LRP1B: variants seen among roughly 807,000 people sequenced by gnomAD.
The protein encoded by LRP1B is LDL receptor related protein 1B, also known as low-density lipoprotein receptor-related protein 1B.
Under a neutral mutation model 556.6 loss-of-function variants are expected in LRP1B, and 217 were observed. The ratio of observed to expected loss-of-function variants is 0.39; its 90% CI spans 0.35 to 0.44. The LOEUF (loss-of-function observed/expected upper bound fraction) is 0.44. LRP1B is among the 20% of genes least tolerant of loss of function. The pLI is 1.00. For synonymous variants in LRP1B, 2,047 were observed against 1,865.8 expected (o/e 1.10, Z -2.50); for missense variants, 5,053 against 5,620.8 (o/e 0.90, Z 3.23).
At chr2:140,718,619 GA>G (rs879698341) in intron 35 of LRP1B, among the ~76,000 whole-genome samples, 10 of 149,814 alleles carry the variant, frequency 6.7e-5, no homozygotes, top group South Asian at 2.1e-4. Context: ...ATTCCCAAAG[GA>G]AAAAAAAATG....
rs190705822 is a variant in LRP1B at position 141,148,821 on chromosome 2, C to T, written c.1013+39600G>A. 1.1e-3 allele frequency among the ~76,000 whole-genome samples: 160 copies of T among 152,234 alleles called. 2 individuals are homozygous for T. The Middle Eastern group carries it at 0.014, about 13-fold the overall frequency. On this transcript the variant is annotated intron_variant, in intron 7 of 90. Transcript: ENST00000389484. ...CAAGGAGGCCGGGCATGGTGGTTCACGCCTGTAATCCCAACACTGTGGGAG... is the reference window on the plus strand; with the variant it reads ...CAAGGAGGCCGGGCATGGTGGTTCATGCCTGTAATCCCAACACTGTGGGAG...
At position 140,364,670 on chromosome 2, in the gene LRP1B, C is replaced by T. The variant is rs200747526; in HGVS notation, c.11122G>A (p.Asp3708Asn). Residue 3708 changes from aspartate (D) to asparagine (N), a missense_variant, in exon 72 of 91, where the codon GAT (aspartate) becomes AAT (asparagine). Physicochemically the swap from Asp to Asn is conservative, Grantham distance 23. Around this residue, in one of 5 missense-constraint regions of LRP1B, gnomAD observed 599 missense variants for 648.4 expected, o/e 0.92. Transcript: ENST00000389484. ...DCGDNSDEAP[D>N]MCVKFLCPST... is the part of the protein sequence containing the mutation. The stretch of plus-strand genomic sequence containing the variant: ...ACGTGAAATGCCATACCACACATAT[C>T]AGGGGCTTCATCAGAGTTGTCTCCA... 6.2e-7 allele frequency: 1 copy of T among 1,609,614 alleles called. No individual in the cohort carries two copies. The highest frequency in any genetic ancestry group is 8.5e-7 in the Non-Finnish European group (1 of 1,177,246).
At chr2:140,598,884 T>G (rs1271820481) in intron 42 of LRP1B, 49 bp from the exon 43 acceptor site, 1 of 1,219,532 alleles carries the variant, frequency 8.2e-7, no homozygotes, top group Admixed American at 1.8e-5. Flanking sequence ...TCATCAAGAG[T>G]AAAAATACTA....
At chr2:141,784,094 ATGTGTGGTTT>A (rs973515353) in intron 2 of LRP1B, among the ~76,000 whole-genome samples, 1 of 151,968 alleles carries the variant, frequency 6.6e-6, no homozygotes, top group African/African-American at 2.4e-5. Flanking sequence ...AAAAGTGATT[ATGTGTGGTTT>A]TACATGTAAG....
chr2:140,657,312 T>C (rs1684913177), intron 41 of LRP1B, among the ~76,000 whole-genome samples: 1 of 151,808 alleles, frequency 6.6e-6, no homozygotes, highest in African/African-American at 2.4e-5. Flanking sequence ...AGACTGAAAA[T>C]CATTATAACT....
intron 3 of LRP1B, among the ~76,000 whole-genome samples, chr2:141,426,481 A>G (rs746049769): frequency 8.5e-5 from 13 of 152,180 alleles, no homozygotes; most frequent in Non-Finnish European, 1.6e-4. Flanking sequence ...TCAAGTCCTG[A>G]TTTGGGCCCA....
intron 1 of LRP1B, among the ~76,000 whole-genome samples, chr2:141,968,555 C>T (rs900663132): frequency 6.6e-6 from 1 of 151,482 alleles, no homozygotes; most frequent in Non-Finnish European, 1.5e-5. Context: ...CTGTACATGA[C>T]TCATTTATCC....
intron 3 of LRP1B, among the ~76,000 whole-genome samples, chr2:141,381,105 C>T (rs1315859794): frequency 2.0e-5 from 3 of 151,918 alleles, no homozygotes; most frequent in Non-Finnish European, 4.4e-5. Flanking sequence ...AATGAAGATA[C>T]ATGATTTGTC....
chr2:141,964,131 G>A (rs1256240128), intron 1 of LRP1B, among the ~76,000 whole-genome samples: 2 of 149,764 alleles, frequency 1.3e-5, no homozygotes, highest in Admixed American at 1.3e-4. Context: ...CATGCTCATG[G>A]GTAGGAAGAA....
intron 1 of LRP1B, among the ~76,000 whole-genome samples, chr2:141,969,692 T>C (rs1262255330): frequency 6.6e-6 from 1 of 151,668 alleles, no homozygotes; most frequent in Non-Finnish European, 1.5e-5. Flanking sequence ...CTATTGGGAA[T>C]AGTGCTACAA....
chr2:140,309,907 TG>T (rs1469367384), intron 83 of LRP1B, among the ~76,000 whole-genome samples: 3 of 139,450 alleles, frequency 2.2e-5, no homozygotes, highest in African/African-American at 8.2e-5. Context: ...CACAATCAAA[TG>T]TTCTCACTTC....
chr2:141,184,507 G>A (rs1167313029), intron 7 of LRP1B, among the ~76,000 whole-genome samples: 2 of 151,644 alleles, frequency 1.3e-5, no homozygotes, highest in African/African-American at 4.8e-5. Flanking sequence ...TGAACGCACA[G>A]GCCTCACTAA....
intron 83 of LRP1B, among the ~76,000 whole-genome samples, chr2:140,300,904 T>C (rs956093740): frequency 3.9e-5 from 6 of 152,106 alleles, no homozygotes; most frequent in Admixed American, 2.0e-4. Context: ...GTTATTGTTA[T>C]TATTTCTATT....
rs1687040842 is a variant in LRP1B, at chr2:141,583,980, C to T, written c.206-103447G>A. On this transcript the variant is annotated intron_variant, in intron 2 of 90. Transcript: ENST00000389484. ...GTCTTGATCTCCTGATCTCATTGAACAGGCTGAGTCGCAGCAGAAAATTTT... is the reference window on the plus strand; with the variant it reads ...GTCTTGATCTCCTGATCTCATTGAATAGGCTGAGTCGCAGCAGAAAATTTT... Among the ~76,000 whole-genome samples the T allele has an allele frequency of 2.0e-5, 3 of 151,678 alleles. No homozygotes were observed. The South Asian group carries it at 6.2e-4, about 32-fold the overall frequency.
At chr2:140,274,659 A>T (rs2104953104) in intron 84 of LRP1B, 61 bp from the exon 85 acceptor site, 1 of 1,385,162 alleles carries the variant, frequency 7.2e-7, no homozygotes, top group Non-Finnish European at 9.9e-7. Flanking sequence ...TTCTTCAGTC[A>T]TAATTAAGGT....
chr2:140,829,004 A>G (rs2105071314), intron 31 of LRP1B, among the ~76,000 whole-genome samples: 1 of 152,244 alleles, frequency 6.6e-6, no homozygotes, highest in East Asian at 1.9e-4. Flanking sequence ...GATAAAACAG[A>G]CTTTAAATCA....
At chr2:141,325,741 T>C (rs1687407583) in intron 3 of LRP1B, among the ~76,000 whole-genome samples, 1 of 152,026 alleles carries the variant, frequency 6.6e-6, no homozygotes, top group Non-Finnish European at 1.5e-5. Flanking sequence ...GGAAGCGGAA[T>C]TGAGTTGGCC....
chr2:141,364,270 A>AACAC (rs35479321), intron 3 of LRP1B, among the ~76,000 whole-genome samples: 9,593 of 148,662 alleles, frequency 0.065, 919 homozygotes, highest in African/African-American at 0.21. Flanking sequence ...TGGAGGAAAT[A>AACAC]ACACACACAC....
intron 5 of LRP1B, among the ~76,000 whole-genome samples, chr2:141,231,108 G>GA (rs1273841821): frequency 6.6e-6 from 1 of 152,170 alleles, no homozygotes; most frequent in African/African-American, 2.4e-5. Context: ...TAGCTATTCA[G>GA]AAAATTTCAT....
Sources: allele counts gnomAD v4.1 joint callset (sites outside exome capture counted in the v4.1 genomes callset), GRCh38; gene constraint gnomAD v4.1.1; regional missense constraint gnomAD v4.1.1; transcripts MANE v1.5; gene names NCBI Gene and HGNC (gene_info 2026-07-23, HGNC 2026-07-21).